Variants in CMSS1 observed in about 807,000 individuals in gnomAD.
The protein encoded by CMSS1 is cms1 ribosomal small subunit homolog.
CMSS1 carries 33 observed loss-of-function variants against 43.5 expected under a neutral mutation model. The ratio of observed to expected loss-of-function variants is 0.76; its 90% CI spans 0.57 to 1.01. The LOEUF (loss-of-function observed/expected upper bound fraction) is 1.01, where lower values mean the gene tolerates loss of function less well. Ranked by LOEUF, CMSS1 falls within the 50% of genes least tolerant of loss-of-function variation. CMSS1 has a pLI of 0.00. For synonymous variants in CMSS1, 115 were observed against 117.2 expected (o/e 0.98, Z 0.12); for missense variants, 313 against 326.4 (o/e 0.96, Z 0.32).
chr3:99,897,538 C>T (rs1003791014), intron 1 of CMSS1, among the ~76,000 whole-genome samples: 1 of 151,970 alleles, frequency 6.6e-6, no homozygotes, highest in African/African-American at 2.4e-5. Flanking sequence ...TTTTTTAGAT[C>T]TTGAGTAGTC....
chr3:100,104,111 G>C (rs1359752711), intron 1 of CMSS1, among the ~76,000 whole-genome samples: 9 of 152,206 alleles, frequency 5.9e-5, no homozygotes, highest in Non-Finnish European at 1.3e-4. Context: ...ACTGCTCTCT[G>C]TGTGTGTTTG....
chr3:99,876,110 G>A, intron 1 of CMSS1: 2 of 986,532 alleles, frequency 2.0e-6, no homozygotes, highest in Non-Finnish European at 2.4e-6. Context: ...GGGCCGGGCC[G>A]GGGCCGCTGT....
intron 1 of CMSS1, among the ~76,000 whole-genome samples, chr3:100,061,177 A>G (rs1180269082): frequency 1.3e-5 from 2 of 152,232 alleles, no homozygotes; most frequent in Admixed American, 1.3e-4. Context: ...GAAGGGTACA[A>G]TTTTTAGATT....
chr3:100,173,317 C>T (rs140039919), intron 8 of CMSS1, among the ~76,000 whole-genome samples: 10 of 152,176 alleles, frequency 6.6e-5, no homozygotes, highest in African/African-American at 9.7e-5. Context: ...TTGTACGCAG[C>T]GCTACGCTTG....
intron 1 of CMSS1, among the ~76,000 whole-genome samples, chr3:99,938,196 AC>A (rs1243588943): frequency 2.6e-5 from 4 of 152,164 alleles, no homozygotes; most frequent in African/African-American, 9.7e-5. Context: ...GATCATAAAT[AC>A]CCTGATCTGC....
intron 1 of CMSS1, chr3:100,011,566 A>G (rs984002677): frequency 1.3e-5 from 2 of 152,206 alleles, no homozygotes; most frequent in African/African-American, 2.4e-5. Context: ...TGTTGAGATC[A>G]TGGAATATTA....
chr3:99,873,589 T>C lies in CMSS1; in HGVS notation c.64+55546T>C, dbSNP rs141243390. Among the ~76,000 whole-genome samples the C allele has an allele frequency of 2.8e-3, 424 of 152,362 alleles. 1 individual carries two copies. Among genetic ancestry groups the C allele is most frequent in the African/African-American group, 9.4e-3 (392 of 41,586 alleles). On this transcript the variant is annotated intron_variant, in intron 1 of 9. Coordinates refer to ENST00000421999, the MANE Select transcript of CMSS1 (RefSeq NM_032359.4). ...ACAGAACATGACCTAAGCAGAATTA[T>C]TGGAATCTTATTCTTCCTCCTACAT... is the stretch of plus-strand genomic sequence containing the variant.
At chr3:100,156,675 G>A (rs1287292511) in intron 2 of CMSS1, among the ~76,000 whole-genome samples, 1 of 151,090 alleles carries the variant, frequency 6.6e-6, no homozygotes, top group East Asian at 2.0e-4. Flanking sequence ...GCGTGCAGTG[G>A]CACGATCTTG....
chr3:99,995,086 C>A (rs768852583), intron 1 of CMSS1, among the ~76,000 whole-genome samples: 1 of 152,120 alleles, frequency 6.6e-6, no homozygotes, highest in East Asian at 1.9e-4. Flanking sequence ...ACCCAAAACG[C>A]GCAGTCCAAA....
intron 1 of CMSS1, among the ~76,000 whole-genome samples, chr3:99,995,955 C>T (rs1272388536): frequency 6.6e-6 from 1 of 152,192 alleles, no homozygotes; most frequent in East Asian, 1.9e-4. Flanking sequence ...TCTGACATGC[C>T]CTGGAGACAT....
chr3:100,138,042 T>C (rs2066770726), intron 1 of CMSS1, among the ~76,000 whole-genome samples: 2 of 152,058 alleles, frequency 1.3e-5, no homozygotes, highest in South Asian at 4.1e-4. Context: ...ACACCACACA[T>C]CTACAACCAT....
intron 1 of CMSS1, among the ~76,000 whole-genome samples, chr3:99,885,612 C>T (rs1274788810): frequency 6.6e-6 from 1 of 152,188 alleles, no homozygotes; most frequent in African/African-American, 2.4e-5. Flanking sequence ...TGGCTTAGGG[C>T]TCACTTGACC....
intron 1 of CMSS1, among the ~76,000 whole-genome samples, chr3:99,861,050 C>T (rs1240181559): frequency 6.6e-6 from 1 of 152,140 alleles, no homozygotes; most frequent in Non-Finnish European, 1.5e-5. Flanking sequence ...TCATTTTTCT[C>T]ACTTTTCTTT....
chr3:99,857,390 G>A (rs921596701), intron 1 of CMSS1, among the ~76,000 whole-genome samples: 1 of 152,178 alleles, frequency 6.6e-6, no homozygotes, highest in African/African-American at 2.4e-5. Flanking sequence ...TTGCTTGTTT[G>A]AGGAGAACAG....
intron 1 of CMSS1, among the ~76,000 whole-genome samples, chr3:99,901,962 TAAACA>T (rs1195293330): frequency 6.6e-6 from 1 of 152,156 alleles, no homozygotes; most frequent in Non-Finnish European, 1.5e-5. Context: ...ATGATGCCAA[TAAACA>T]AAACAAAACA....
At chr3:100,110,438 T>A (rs1274798440) in intron 1 of CMSS1, among the ~76,000 whole-genome samples, 1 of 152,134 alleles carries the variant, frequency 6.6e-6, no homozygotes, top group African/African-American at 2.4e-5. Flanking sequence ...TCCAATTTCC[T>A]AGTCAAGTGA....
At chr3:100,100,967 A>ATAT (rs2066294004) in intron 1 of CMSS1, among the ~76,000 whole-genome samples, 1 of 152,122 alleles carries the variant, frequency 6.6e-6, no homozygotes, top group Non-Finnish European at 1.5e-5. Context: ...TAGCCCAGGT[A>ATAT]TATGGAGAAC....
chr3:99,896,889 G>A (rs793460), intron 1 of CMSS1, among the ~76,000 whole-genome samples: 40,399 of 152,022 alleles, frequency 0.27, 6,065 homozygotes, highest in Admixed American at 0.34. Context: ...TGTATACAAC[G>A]GGTGCTGAAG....
intron 1 of CMSS1, among the ~76,000 whole-genome samples, chr3:99,981,952 C>T (rs1310031480): frequency 6.6e-6 from 1 of 152,084 alleles, no homozygotes; most frequent in African/African-American, 2.4e-5. Flanking sequence ...ATAGTGAGAT[C>T]CTGCCTCTAC....
Sources: gnomAD v4.1 joint callset for allele counts (sites outside exome capture counted in the v4.1 genomes callset) on GRCh38, gnomAD v4.1.1 for gene constraint, MANE v1.5 for transcripts, NCBI Gene and HGNC (gene_info 2026-07-23, HGNC 2026-07-21) for gene names.